The following TUFT1 variants were observed in gnomAD, a reference collection of about 807,000 sequenced individuals.
The protein encoded by TUFT1 is tuftelin 1.
TUFT1 carries 43 observed loss-of-function variants against 57.8 expected under a neutral mutation model. The observed-to-expected ratio is 0.74, with a 90% CI of 0.58 to 0.96. The LOEUF (loss-of-function observed/expected upper bound fraction) is 0.96. TUFT1 is among the 40% of genes least tolerant of loss of function. The pLI is 0.00. For missense variants in TUFT1, 459 were observed against 489.0 expected (o/e 0.94, Z 0.58); for synonymous variants, 166 against 176.7 (o/e 0.94, Z 0.48).
intron 1 of TUFT1, 30 bp downstream of exon 1, chr1:151,540,456 C>T: frequency 1.2e-6 from 2 of 1,613,552 alleles, no homozygotes; most frequent in Admixed American, 1.7e-5. Context: ...CTGTCTTCTC[C>T]GTTTTGTATT....
chr1:151,563,820 C>A, intron 3 of TUFT1, 84 bp from the exon 4 acceptor site: 1 of 1,159,368 alleles, frequency 8.6e-7, no homozygotes, highest in Non-Finnish European at 1.3e-6. Flanking sequence ...AATTTACCCT[C>A]CCACCAGCAC....
At chr1:151,540,468 C>T in intron 1 of TUFT1, 42 bp downstream of exon 1, 1 of 1,611,988 alleles carries the variant, frequency 6.2e-7, no homozygotes, top group South Asian at 1.1e-5. Context: ...TTTTGTATTC[C>T]CGGTTTCTAA....
chr1:151,578,576 C>A (rs1666551822), intron 9 of TUFT1, 145 bp from the exon 10 acceptor site: 1 of 581,378 alleles, frequency 1.7e-6, no homozygotes. Context: ...AAGGTACCCA[C>A]CACCTACTCT....
At chr1:151,570,999 A>G (rs964064370) in intron 7 of TUFT1, among the ~76,000 whole-genome samples, 1 of 152,182 alleles carries the variant, frequency 6.6e-6, no homozygotes, top group African/African-American at 2.4e-5. Flanking sequence ...GAGCCACCAC[A>G]CCTGGCCCAT....
intron 1 of TUFT1, among the ~76,000 whole-genome samples, chr1:151,549,588 C>T (rs896836040): frequency 3.9e-5 from 6 of 152,242 alleles, no homozygotes; most frequent in African/African-American, 1.4e-4. Context: ...CATCTATCTA[C>T]TCTTCCTAAA....
At chr1:151,577,276 T>C (rs1666501114) in intron 9 of TUFT1, among the ~76,000 whole-genome samples, 1 of 152,164 alleles carries the variant, frequency 6.6e-6, no homozygotes. Flanking sequence ...ATTAGTTTAG[T>C]CTCTAGCTCC....
intron 1 of TUFT1, among the ~76,000 whole-genome samples, chr1:151,559,232 A>G (rs1665805906): frequency 1.3e-5 from 2 of 152,214 alleles, no homozygotes; most frequent in Admixed American, 6.5e-5. Context: ...GCATTCAGAA[A>G]ATACCTTTGC....
intron 2 of TUFT1, 77 bp downstream of exon 2, chr1:151,562,242 T>G: frequency 7.5e-7 from 1 of 1,324,566 alleles, no homozygotes; most frequent in South Asian, 1.2e-5. Context: ...ACCCAAGTAC[T>G]GCCTGGAGCC....
In TUFT1 at chr1:151,574,363, G is replaced by A. The variant is rs766167963; in HGVS notation, c.688G>A (p.Gly230Arg). ...DRVEQKEAEV[G>R]ELQRRLLGME... ...AGTGGAGCAGAAAGAGGCAGAAGTC[G>A]GAGAGCTGCAGAGGCGCTTGCTAGG... Residue 230 changes from glycine (G) to arginine (R), a missense_variant, in exon 8 of 13, where the codon GGA becomes AGA. Gly to Arg is a moderately radical substitution (Grantham distance 125, BLOSUM62 -2). Transcript: ENST00000368849. The A allele has an allele frequency of 2.2e-5, 36 of 1,614,032 alleles. No homozygotes were observed. The highest frequency in any genetic ancestry group is 2.7e-5 in the African/African-American group (2 of 74,914).
At chr1:151,540,690 G>C in intron 1 of TUFT1, 1 of 498,108 alleles carries the variant, frequency 2.0e-6, no homozygotes, top group Non-Finnish European at 3.6e-6. Flanking sequence ...ACTCGGCGCC[G>C]GCGAGCCCGT....
chr1:151,569,638 T>C lies in TUFT1; in HGVS notation c.481-19T>C, dbSNP rs755033549. The C allele has an allele frequency of 1.7e-5, 27 of 1,607,200 alleles. No individual in the cohort carries two copies. Among genetic ancestry groups the C allele is most frequent in the Non-Finnish European group, 2.3e-5 (27 of 1,174,294 alleles). ...AGAAACTTGAGGGCTTCCCCTTCCC[T>C]TCCTTGTTCTGGCTGTAGGTGGACA... is the stretch of plus-strand genomic sequence containing the variant. On this transcript the variant is annotated intron_variant, in intron 6 of 12. Transcript: ENST00000368849.
chr1:151,555,885 A>G (rs1189416345), intron 1 of TUFT1, among the ~76,000 whole-genome samples: 1 of 152,134 alleles, frequency 6.6e-6, no homozygotes, highest in Non-Finnish European at 1.5e-5. Flanking sequence ...ACATCTTGCA[A>G]AACTGTGGTA....
intron 1 of TUFT1, among the ~76,000 whole-genome samples, chr1:151,545,538 G>C (rs1665306784): frequency 6.6e-6 from 1 of 152,172 alleles, no homozygotes; most frequent in Non-Finnish European, 1.5e-5. Flanking sequence ...CCTGGCATGT[G>C]GTAAGTACTC....
At chr1:151,575,110 GT>G in intron 9 of TUFT1, 105 bp downstream of exon 9, 2 of 1,003,008 alleles carry the variant, frequency 2.0e-6, no homozygotes, top group Non-Finnish European at 3.0e-6. Flanking sequence ...GAGGAAGCTG[GT>G]GCTGATGTCA....
intron 1 of TUFT1, among the ~76,000 whole-genome samples, chr1:151,547,216 T>C (rs1208133840): frequency 1.3e-5 from 2 of 152,232 alleles, no homozygotes; most frequent in Admixed American, 1.3e-4. Flanking sequence ...ATTTGGGGAA[T>C]GCTGGGCTTT....
At chr1:151,557,786 A>G (rs912616813) in intron 1 of TUFT1, 4 of 760,104 alleles carry the variant, frequency 5.3e-6, no homozygotes, top group Admixed American at 3.4e-5. Context: ...AGCGACCTGC[A>G]AGACTCACAA....
rs1466417857 is a variant in TUFT1 at position 151,575,021 on chromosome 1, T to A, written c.818+16T>A. ...AACGAGAAAAGTAAGGGCTTGGCTCTTGTTCACGGTGAAGTTGGGTTGCAG... is the reference window on the plus strand; with the variant it reads ...AACGAGAAAAGTAAGGGCTTGGCTCATGTTCACGGTGAAGTTGGGTTGCAG... On this transcript the variant is annotated intron_variant, in intron 9 of 12. Coordinates refer to ENST00000368849, the MANE Select transcript of TUFT1 (RefSeq NM_020127.3). The A allele has an allele frequency of 1.3e-6, 2 of 1,552,454 alleles. No homozygotes were observed. Among genetic ancestry groups the A allele is most frequent in the Non-Finnish European group, 1.7e-6 (2 of 1,147,164 alleles).
chr1:151,557,464 C>T (rs185807553), intron 1 of TUFT1: 208 of 1,398,190 alleles, frequency 1.5e-4, no homozygotes, highest in Middle Eastern at 1.2e-3. Flanking sequence ...GCCTAAGAAC[C>T]GGATTGCCAT....
rs1441596881 is a variant in TUFT1 at position 151,582,774 on chromosome 1, C to T, written c.*1067C>T. The T allele has an allele frequency of 6.5e-6, 1 of 154,094 alleles. No homozygotes were observed. Among genetic ancestry groups the T allele is most frequent in the Non-Finnish European group, 1.4e-5 (1 of 69,494 alleles). 9.5% of individuals were successfully genotyped at this position (154,094 alleles called of 1,614,324 possible). A position where few individuals can be genotyped will look rare whatever the true frequency, so the allele number is the denominator to read the frequency against. On this transcript the variant is annotated 3_prime_UTR_variant, in exon 13 of 13. Transcript: ENST00000368849. ...GAAGGTGAGTCTACTTTCCCTGAGG[C>T]TTTGGGGTCAGAGTATATGTTGTTT...
Sources: allele counts gnomAD v4.1 joint callset (sites outside exome capture counted in the v4.1 genomes callset), GRCh38; gene constraint gnomAD v4.1.1; transcripts MANE v1.5; gene names NCBI Gene and HGNC (gene_info 2026-07-23, HGNC 2026-07-21).